The following RREB1 variants were observed in gnomAD, a reference collection of about 807,000 sequenced individuals.
The protein encoded by RREB1 is ras-responsive element-binding protein 1.
A neutral mutation model predicts 117.8 loss-of-function variants in RREB1; 27 were observed. The ratio of observed to expected loss-of-function variants is 0.23; its 90% CI spans 0.17 to 0.32. RREB1 has a LOEUF of 0.32. Ranked by LOEUF, RREB1 falls within the 10% of genes least tolerant of loss-of-function variation. The pLI is 1.00. For missense variants in RREB1, 2,577 were observed against 2,378.2 expected (o/e 1.08, Z -1.74); for synonymous variants, 1,298 against 1,026.7 (o/e 1.26, Z -5.05).
chr6:7,171,048 G>C (rs1764182379), intron 1 of RREB1, among the ~76,000 whole-genome samples: 1 of 152,170 alleles, frequency 6.6e-6, no homozygotes. Flanking sequence ...GTCTGTAGTA[G>C]TTAATTTCTC....
chr6:7,236,810 G>GC (rs373385299), intron 10 of RREB1, among the ~76,000 whole-genome samples: 53 of 143,336 alleles, frequency 3.7e-4, no homozygotes, highest in Admixed American at 1.2e-3. Flanking sequence ...CTCTTCTCTT[G>GC]CCCCAATGTC....
chr6:7,243,081 A>G (rs1768814309), intron 11 of RREB1, among the ~76,000 whole-genome samples: 1 of 152,116 alleles, frequency 6.6e-6, no homozygotes, highest in African/African-American at 2.4e-5. Context: ...CTCTCCCTTA[A>G]TGGTGGCCGC....
At chr6:7,160,621 C>T (rs536431985) in intron 1 of RREB1, among the ~76,000 whole-genome samples, 7 of 152,244 alleles carry the variant, frequency 4.6e-5, no homozygotes, top group African/African-American at 1.4e-4. Context: ...ACAATCCTCC[C>T]GGTTCAGCTT....
chr6:7,229,983 A>C lies in RREB1; in HGVS notation c.1884A>C (p.Thr628=). The part of the protein sequence containing the change: ...ITEGELKAFM[T]APGGKKTPAM... ...AGGGGGAACTCAAGGCCTTCATGAC[A>C]GCGCCCGGCGGCAAGAAGACGCCCG... is the stretch of plus-strand genomic sequence containing the variant. The change falls in exon 10 of 13, where the codon ACA becomes ACC. Residue 628 remains threonine (T), a synonymous_variant. Coordinates refer to ENST00000379938, the MANE Select transcript of RREB1 (RefSeq NM_001003699.4). This position sits in a 1 kb window ranked among gnomAD's most constrained non-coding sequence, Gnocchi z 4.5. 1 of 1,607,178 alleles carries C rather than the reference A, an allele frequency of 6.2e-7. No homozygotes were observed. Among genetic ancestry groups the C allele is most frequent in the Middle Eastern group, 1.7e-4 (1 of 6,042 alleles).
At chr6:7,109,866 G>A (rs947243897) in intron 1 of RREB1, among the ~76,000 whole-genome samples, 3 of 152,118 alleles carry the variant, frequency 2.0e-5, no homozygotes, top group African/African-American at 7.2e-5. Flanking sequence ...TGTGGAGAGA[G>A]ACAAAAGGGT....
chr6:7,151,775 A>G (rs1294926057), intron 1 of RREB1, among the ~76,000 whole-genome samples: 1 of 152,210 alleles, frequency 6.6e-6, no homozygotes, highest in East Asian at 1.9e-4. Context: ...AAGTTCTCAC[A>G]AATCAATTAC....
intron 2 of RREB1, among the ~76,000 whole-genome samples, chr6:7,180,501 T>C (rs1376256544): frequency 2.6e-5 from 4 of 152,206 alleles, no homozygotes; most frequent in Non-Finnish European, 4.4e-5. Context: ...TACCTTATGG[T>C]AGGGCTTCAG....
At chr6:7,184,234 A>G (rs1287242547) in intron 4 of RREB1, among the ~76,000 whole-genome samples, 2 of 151,950 alleles carry the variant, frequency 1.3e-5, no homozygotes, top group Non-Finnish European at 2.9e-5. Context: ...TTCCAGTATC[A>G]CAGTGCTGTC....
intron 1 of RREB1, among the ~76,000 whole-genome samples, chr6:7,109,259 C>T (rs886769348): frequency 1.3e-5 from 2 of 151,946 alleles, no homozygotes; most frequent in South Asian, 2.1e-4. Flanking sequence ...CTGCCCCCCC[C>T]GCCCCCAACT....
Position 7,249,202 on chromosome 6 carries a change from C to A in RREB1, c.*234C>A. On this transcript the variant is annotated 3_prime_UTR_variant, in exon 13 of 13. Coordinates refer to ENST00000379938, the MANE Select transcript of RREB1 (RefSeq NM_001003699.4). ...CGATTCCAGTGCCTTAACTACTTACCGGATCCCTCCATATTATCATGGGTG... is the reference window on the plus strand; with the variant it reads ...CGATTCCAGTGCCTTAACTACTTACAGGATCCCTCCATATTATCATGGGTG... 1 of 480,064 alleles carries A rather than the reference C, an allele frequency of 2.1e-6. No homozygotes were observed. The allele number at this position is 480,064 out of a possible 1,614,324, so 29.7% of individuals were successfully genotyped here.
intron 2 of RREB1, among the ~76,000 whole-genome samples, chr6:7,180,145 T>C (rs1246230363): frequency 6.6e-6 from 1 of 152,230 alleles, no homozygotes; most frequent in African/African-American, 2.4e-5. Flanking sequence ...TACCTACCAG[T>C]TGGAAAACCA....
chr6:7,246,646 G>A lies in RREB1; in HGVS notation c.4196G>A (p.Ser1399Asn), dbSNP rs1358525779. 6.3e-7 allele frequency: 1 copy of A among 1,574,992 alleles called. No individual in the cohort carries two copies. The highest frequency in any genetic ancestry group is 8.6e-7 in the Non-Finnish European group (1 of 1,160,470). The part of the protein sequence containing the change: ...EPEEEHGTEE[S>N]TGDADGAEED... Reference sequence around the variant, plus strand: ...GAGGAGGAGCATGGCACTGAGGAGAGCACTGGGGACGCCGACGGCGCGGAA... The same window carrying A: ...GAGGAGGAGCATGGCACTGAGGAGAACACTGGGGACGCCGACGGCGCGGAA... Residue 1399 changes from serine to asparagine, a missense_variant, in exon 12 of 13, where the codon AGC becomes AAC. Physicochemically the swap from Ser to Asn is conservative, Grantham distance 46. Coordinates refer to ENST00000379938, the MANE Select transcript of RREB1 (RefSeq NM_001003699.4).
At chr6:7,187,691 A>G (rs1241409824) in intron 5 of RREB1, 168 bp downstream of exon 5, 2 of 321,296 alleles carry the variant, frequency 6.2e-6, no homozygotes, top group Non-Finnish European at 1.1e-5. Context: ...GGACCAGCCT[A>G]TTTTTGATCT....
Position 7,108,382 on chromosome 6 carries a change from CCAACCA to C in RREB1, c.-285+323_-285+328del. ...TCCCTTTCCCGAGCCGCCGGCTCTG[CCAACCA>C]GCTCCCAGCGCGAGCCGCCGCAGCG... is the stretch of plus-strand genomic sequence containing the variant. On this transcript the variant is annotated intron_variant, in intron 1 of 12. Transcript: ENST00000379938. 2.0e-5 allele frequency among the ~76,000 whole-genome samples: 3 copies of C among 152,062 alleles called. No individual in the cohort carries two copies. The East Asian group carries it at 5.8e-4, about 30-fold the overall frequency.
At chr6:7,234,049 G>A (rs1273206354) in intron 10 of RREB1, among the ~76,000 whole-genome samples, 1 of 152,194 alleles carries the variant, frequency 6.6e-6, no homozygotes, top group African/African-American at 2.4e-5. Context: ...TGCCTATCCA[G>A]GGAGGACTCA....
At chr6:7,186,605 G>A (rs556982006) in intron 4 of RREB1, among the ~76,000 whole-genome samples, 4 of 152,310 alleles carry the variant, frequency 2.6e-5, no homozygotes, top group Non-Finnish European at 5.9e-5. Context: ...AGTCAATGAT[G>A]CACACAGCCT....
At chr6:7,181,459 T>C (rs1764788779) in intron 3 of RREB1, 3 of 416,664 alleles carry the variant, frequency 7.2e-6, no homozygotes, top group African/African-American at 4.1e-5. Flanking sequence ...CTGATGTTTC[T>C]CATCACTAGT....
At chr6:7,131,291 A>G (rs508362) in intron 1 of RREB1, among the ~76,000 whole-genome samples, 15,126 of 152,148 alleles carry the variant, frequency 0.099, 994 homozygotes, top group African/African-American at 0.18. Flanking sequence ...CTTTCTGTGC[A>G]TTATCTTCAT....
chr6:7,227,171 G>T (rs985489813), intron 9 of RREB1, among the ~76,000 whole-genome samples: 1 of 152,086 alleles, frequency 6.6e-6, no homozygotes, highest in Non-Finnish European at 1.5e-5. Flanking sequence ...GAGCCCAGGA[G>T]GTTGAGGCTG....
Sources: gnomAD v4.1 joint callset for allele counts (sites outside exome capture counted in the v4.1 genomes callset) on GRCh38, gnomAD v4.1.1 for gene constraint, Gnocchi (gnomAD v3.1) non-coding constraint, MANE v1.5 for transcripts, NCBI Gene and HGNC (gene_info 2026-07-23, HGNC 2026-07-21) for gene names.